The following MSI1 variants were observed in gnomAD, a reference collection of about 807,000 sequenced individuals.
MSI1 encodes musashi RNA binding protein 1.
Under a neutral mutation model 54.4 loss-of-function variants are expected in MSI1, and 15 were observed. That is an observed-to-expected ratio of 0.28 (90% CI 0.18 to 0.42). The LOEUF (loss-of-function observed/expected upper bound fraction) is 0.42. Among genes scored for constraint, MSI1 ranks in the 20% least tolerant of loss-of-function variants. MSI1 has a pLI of 1.00. For missense variants in MSI1, 304 were observed against 506.0 expected (o/e 0.60, Z 3.83); for synonymous variants, 200 against 196.5 (o/e 1.02, Z -0.15).
At chr12:120,366,551 C>T (rs1269635519) in intron 4 of MSI1, among the ~76,000 whole-genome samples, 2 of 152,146 alleles carry the variant, frequency 1.3e-5, no homozygotes, top group Non-Finnish European at 2.9e-5. Flanking sequence ...GGTACCCAAG[C>T]CACGATCCCA....
chr12:120,343,305 A>G (rs975000542), intron 14 of MSI1, among the ~76,000 whole-genome samples, 200 bp from the exon 15 acceptor site: 3 of 152,024 alleles, frequency 2.0e-5, no homozygotes. Flanking sequence ...CCTAGGCTCA[A>G]GTGATCCTCC....
intron 6 of MSI1, among the ~76,000 whole-genome samples, chr12:120,360,477 T>C (rs1025632091): frequency 6.6e-6 from 1 of 152,192 alleles, no homozygotes; most frequent in Non-Finnish European, 1.5e-5. Flanking sequence ...AAGAGCTGCC[T>C]GTACTGGGGC....
At chr12:120,345,789 C>G (rs192450290) in intron 13 of MSI1, among the ~76,000 whole-genome samples, 157 bp from the exon 14 acceptor site, 2 of 151,954 alleles carry the variant, frequency 1.3e-5, no homozygotes, top group African/African-American at 2.4e-5. Flanking sequence ...GATCACCCCC[C>G]ACTGCAGGTC....
At chr12:120,367,880 C>G (rs1402079593) in intron 4 of MSI1, 128 bp downstream of exon 4, 8 of 904,534 alleles carry the variant, frequency 8.8e-6, no homozygotes, top group Non-Finnish European at 1.2e-5. Flanking sequence ...CATGGCAGCC[C>G]TCTTACTCAG....
At chr12:120,358,731 A>C (rs1342315618) in intron 7 of MSI1, among the ~76,000 whole-genome samples, 2 of 117,154 alleles carry the variant, frequency 1.7e-5, no homozygotes, top group African/African-American at 6.8e-5. Context: ...GCCCGGGCAG[A>C]GGCAGACACC....
intron 5 of MSI1, 39 bp downstream of exon 5, chr12:120,364,675 C>A: frequency 6.4e-7 from 1 of 1,551,698 alleles, no homozygotes; most frequent in Non-Finnish European, 8.7e-7. Context: ...CAGCATTGCC[C>A]ATAGTAAGAG....
rs1210414295 is a variant in MSI1, at chr12:120,341,839, G to A, written c.*1288C>T. The A allele has an allele frequency of 2.0e-5, 3 of 152,684 alleles. No individual in the cohort carries two copies. Among genetic ancestry groups the A allele is most frequent in the East Asian group, 3.9e-4 (2 of 5,154 alleles). 9.5% of individuals were successfully genotyped at this position (152,684 alleles called of 1,614,324 possible). On this transcript the variant is annotated 3_prime_UTR_variant, in exon 15 of 15. Coordinates refer to ENST00000257552, the MANE Select transcript of MSI1 (RefSeq NM_002442.4). ...CCCTGGGCCTCATAACTGGGGGAGA[G>A]GGACACACAGAAGGGGGATGGCAGT...
chr12:120,346,326 GCAACC>G lies in MSI1; in HGVS notation c.860-9_860-5del. 6.5e-7 allele frequency: 1 copy of G among 1,527,478 alleles called. No homozygotes were observed. The highest frequency in any genetic ancestry group is 8.8e-7 in the Non-Finnish European group (1 of 1,135,846). The allele number at this position is 1,527,478 out of a possible 1,614,324, so 94.6% of individuals were successfully genotyped here. A position where few individuals can be genotyped will look rare whatever the true frequency, so the allele number is the denominator to read the frequency against. ...GCCATCGTCCAGGGGTGAGAGCCTG[GCAACC>G]CAGAAAGAAGACGGTGATAGCCCTG... On this transcript the variant is annotated splice_region_variant and splice_polypyrimidine_tract_variant and intron_variant, in intron 12 of 14. Transcript: ENST00000257552.
chr12:120,351,371 T>C lies in MSI1; in HGVS notation c.763A>G (p.Ser255Gly), dbSNP rs762792834. 1 of 1,613,472 alleles carries C rather than the reference T, an allele frequency of 6.2e-7. No homozygotes were observed. The change falls in exon 11 of 15, where the codon AGC becomes GGC. Residue 255 changes from serine to glycine, a missense_variant. Physicochemically the swap from Ser to Gly is moderately conservative, Grantham distance 56. Coordinates refer to ENST00000257552, the MANE Select transcript of MSI1 (RefSeq NM_002442.4). ...EFRVERTPLP[S>G]APVLPELTAI... ...GTAAGCTCGGGGAGGACTGGGGCGCTCGGGAGAGGGGTCCGCTCTACACGG... is the reference window on the plus strand; with the variant it reads ...GTAAGCTCGGGGAGGACTGGGGCGCCCGGGAGAGGGGTCCGCTCTACACGG...
chr12:120,368,901 C>G lies in MSI1; in HGVS notation c.60-28G>C. 3.6e-6 allele frequency: 5 copies of G among 1,398,124 alleles called. No individual in the cohort carries two copies. The highest frequency in any genetic ancestry group is 4.7e-6 in the Non-Finnish European group (5 of 1,059,932). 86.6% of individuals were successfully genotyped at this position (1,398,124 alleles called of 1,614,324 possible). On this transcript the variant is annotated intron_variant, in intron 1 of 14. Transcript: ENST00000257552. This position sits in a 1 kb window ranked among gnomAD's most constrained non-coding sequence, Gnocchi z 6.6. Reference sequence around the variant, plus strand: ...GCGGGAGGAGGAGAGACACAAAGGGCCCGCGTGAGCGCCGGGCGCCAGGGC... The same window carrying G: ...GCGGGAGGAGGAGAGACACAAAGGGGCCGCGTGAGCGCCGGGCGCCAGGGC...
intron 13 of MSI1, 120 bp from the exon 14 acceptor site, chr12:120,345,752 C>T (rs1874058866): frequency 3.2e-6 from 4 of 1,234,002 alleles, no homozygotes; most frequent in Non-Finnish European, 4.7e-6. Context: ...GTCCGGATCG[C>T]CCCCCTACTG....
intron 4 of MSI1, 113 bp downstream of exon 4, chr12:120,367,895 A>G (rs1592952445): frequency 1.9e-6 from 2 of 1,070,384 alleles, no homozygotes; most frequent in African/African-American, 1.6e-5. Flanking sequence ...ACTCAGAAAA[A>G]CTCCCTCCTT....
chr12:120,340,152 C>T (rs1190028957), downstream of MSI1, among the ~76,000 whole-genome samples: 1 of 150,586 alleles, frequency 6.6e-6, no homozygotes, highest in Non-Finnish European at 1.5e-5. Flanking sequence ...AGTGGCGCGA[C>T]CTTGGCTCAC....
Position 120,354,375 on chromosome 12 carries a change from T to C in MSI1, c.653-996A>G, listed in dbSNP as rs192218759. ...TGCAATTAAGATTAAAATTCAGATC[T>C]GACGGGCTCCAAGCCTCTTAACCAC... On this transcript the variant is annotated intron_variant, in intron 9 of 14. Coordinates refer to ENST00000257552, the MANE Select transcript of MSI1 (RefSeq NM_002442.4). 2.2e-3 allele frequency among the ~76,000 whole-genome samples: 340 copies of C among 152,292 alleles called. 2 individuals are homozygous for C. Among genetic ancestry groups the C allele is most frequent in the Non-Finnish European group, 3.3e-3 (225 of 68,028 alleles).
intron 6 of MSI1, among the ~76,000 whole-genome samples, chr12:120,361,142 T>G: frequency 6.6e-6 from 1 of 152,158 alleles, no homozygotes; most frequent in East Asian, 1.9e-4. Flanking sequence ...GAAGGTTGCA[T>G]GAGGACATCG....
intron 6 of MSI1, among the ~76,000 whole-genome samples, chr12:120,361,785 C>A (rs1875671530): frequency 6.6e-6 from 1 of 151,716 alleles, no homozygotes; most frequent in African/African-American, 2.4e-5. Flanking sequence ...TCCCTGGCAG[C>A]CTATTCTCCG....
chr12:120,347,986 C>T (rs879735203), intron 11 of MSI1, among the ~76,000 whole-genome samples: 9 of 152,188 alleles, frequency 5.9e-5, no homozygotes, highest in Non-Finnish European at 1.3e-4. Flanking sequence ...AGGCCTGCTG[C>T]CCCCAGGTAG....
chr12:120,363,169 G>C (rs893997772), intron 5 of MSI1, 34 bp from the exon 6 acceptor site: 1 of 1,590,022 alleles, frequency 6.3e-7, no homozygotes, highest in African/African-American at 1.3e-5. Context: ...GTGGGCATCT[G>C]AGTCCTGTGG....
chr12:120,355,650 T>C (rs1431410882), intron 9 of MSI1, among the ~76,000 whole-genome samples: 1 of 152,164 alleles, frequency 6.6e-6, no homozygotes, highest in Non-Finnish European at 1.5e-5. Context: ...AGAGTAAAAC[T>C]GATCAACCAA....
Sources: gnomAD v4.1 joint callset for allele counts (sites outside exome capture counted in the v4.1 genomes callset) on GRCh38, gnomAD v4.1.1 for gene constraint, Gnocchi (gnomAD v3.1) non-coding constraint, MANE v1.5 for transcripts, NCBI Gene and HGNC (gene_info 2026-07-23, HGNC 2026-07-21) for gene names.